PCSK5: variants seen among roughly 807,000 people sequenced by gnomAD.
The protein encoded by PCSK5 is prohormone convertase 5.
Under a neutral mutation model 233.2 loss-of-function variants are expected in PCSK5, and 129 were observed. That is an observed-to-expected ratio of 0.55 (90% CI 0.48 to 0.64). The LOEUF (loss-of-function observed/expected upper bound fraction) is 0.64, where lower values mean the gene tolerates loss of function less well. Among genes scored for constraint, PCSK5 ranks in the 30% least tolerant of loss-of-function variants. The probability of loss-of-function intolerance (pLI) is 0.00; values close to 1 mark genes in which losing one functional copy is unlikely to be tolerated. For synonymous variants in PCSK5, 825 were observed against 879.2 expected (o/e 0.94, Z 1.09); for missense variants, 2,076 against 2,430.1 (o/e 0.85, Z 3.06).
intron 20 of PCSK5, among the ~76,000 whole-genome samples, chr9:76,206,453 C>T (rs576876197): frequency 3.9e-4 from 59 of 152,330 alleles, no homozygotes; most frequent in African/African-American, 1.4e-3. Context: ...AGCCCCTTTC[C>T]CTGCACCACA....
chr9:76,088,501 A>G (rs913109486), intron 7 of PCSK5, among the ~76,000 whole-genome samples: 2 of 152,246 alleles, frequency 1.3e-5, no homozygotes, highest in African/African-American at 4.8e-5. Context: ...GAAGCAGAAC[A>G]AGAGAAACCT....
rs1832640405 is a variant in PCSK5, at chr9:76,121,813, GGTTTTTTTTTTTTTTT to G, written c.1209-12295_1209-12280del. 3.0e-5 allele frequency among the ~76,000 whole-genome samples: 2 copies of G among 67,114 alleles called. 1 individual carries two copies. Among genetic ancestry groups the G allele is most frequent in the Non-Finnish European group, 5.6e-5 (2 of 35,548 alleles). 44.0% of individuals were successfully genotyped at this position (67,114 alleles called of 152,430 possible). A position where few individuals can be genotyped will look rare whatever the true frequency, so the allele number is the denominator to read the frequency against. ...TAATACTATAAACATCTCTTGTATTGGTTTTTTTTTTTTTTTTTTTTTTTTTTTGAGACGGAGTCTC... is the reference window on the plus strand; with the variant it reads ...TAATACTATAAACATCTCTTGTATTGTTTTTTTTTTTTGAGACGGAGTCTC... On this transcript the variant is annotated intron_variant, in intron 9 of 37. Coordinates refer to ENST00000674117, the MANE Select transcript of PCSK5 (RefSeq NM_001372043.1).
At chr9:75,924,652 T>C (rs1823400147) in intron 1 of PCSK5, among the ~76,000 whole-genome samples, 1 of 152,176 alleles carries the variant, frequency 6.6e-6, no homozygotes, top group Non-Finnish European at 1.5e-5. Context: ...CTCTTGGAGA[T>C]ACTTGGCAAT....
intron 1 of PCSK5, among the ~76,000 whole-genome samples, chr9:75,908,985 ATC>A: frequency 1.5e-5 from 2 of 137,198 alleles, no homozygotes; most frequent in East Asian, 4.4e-4. Flanking sequence ...CTATCTATCT[ATC>A]TATCCGATTT....
At chr9:76,012,919 G>T (rs569015204) in intron 3 of PCSK5, among the ~76,000 whole-genome samples, 1 of 151,992 alleles carries the variant, frequency 6.6e-6, no homozygotes, top group East Asian at 1.9e-4. Flanking sequence ...ATGTATTTTG[G>T]GTAATAACTT....
chr9:75,903,152 T>C (rs1407923365), intron 1 of PCSK5, among the ~76,000 whole-genome samples: 2 of 152,212 alleles, frequency 1.3e-5, no homozygotes, highest in African/African-American at 2.4e-5. Context: ...AAAGCTGTGT[T>C]CTGAACATGC....
intron 1 of PCSK5, 147 bp downstream of exon 1, chr9:75,891,520 C>G: frequency 3.7e-6 from 2 of 535,644 alleles, no homozygotes; most frequent in Non-Finnish European, 6.1e-6. Context: ...CTCCTGCGCG[C>G]GCGCGCGTAC....
intron 24 of PCSK5, among the ~76,000 whole-genome samples, chr9:76,263,670 C>T (rs559141442): frequency 7.2e-5 from 11 of 151,766 alleles, no homozygotes; most frequent in Non-Finnish European, 1.6e-4. Context: ...GGACATATAC[C>T]TAATGCTAAA....
At chr9:76,240,076 G>A (rs529127590) in intron 23 of PCSK5, among the ~76,000 whole-genome samples, 14 of 152,162 alleles carry the variant, frequency 9.2e-5, no homozygotes, top group African/African-American at 2.9e-4. Context: ...TTATAGTTTC[G>A]GCTCTCTTCT....
At chr9:76,302,306 G>A (rs1783510131) in intron 28 of PCSK5, 89 bp downstream of exon 28, 1 of 551,590 alleles carries the variant, frequency 1.8e-6, no homozygotes, top group Non-Finnish European at 2.9e-6. Context: ...AAGAAGCTGG[G>A]AGGCCAGAAG....
intron 12 of PCSK5, among the ~76,000 whole-genome samples, chr9:76,168,025 C>G (rs1232204770): frequency 6.6e-6 from 1 of 152,024 alleles, no homozygotes; most frequent in Non-Finnish European, 1.5e-5. Context: ...TTTTAAAGTT[C>G]TATACAAAAA....
intron 13 of PCSK5, among the ~76,000 whole-genome samples, chr9:76,173,178 A>G (rs1823401086): frequency 6.6e-6 from 1 of 152,186 alleles, no homozygotes; most frequent in African/African-American, 2.4e-5. Flanking sequence ...AGTGAATGAA[A>G]TAAAACTTAC....
chr9:75,976,900 A>G (rs1487983551), intron 2 of PCSK5, among the ~76,000 whole-genome samples: 2 of 152,068 alleles, frequency 1.3e-5, no homozygotes, highest in African/African-American at 2.4e-5. Context: ...AGTCATTTCT[A>G]TGCTCTTTGT....
intron 24 of PCSK5, among the ~76,000 whole-genome samples, chr9:76,267,803 T>A (rs1827381922): frequency 6.6e-6 from 1 of 152,200 alleles, no homozygotes; most frequent in Non-Finnish European, 1.5e-5. Flanking sequence ...TACTGTGGCA[T>A]CAAAACAATA....
chr9:75,890,199 A>T (rs1255469980), upstream of PCSK5, among the ~76,000 whole-genome samples: 1 of 152,232 alleles, frequency 6.6e-6, no homozygotes, highest in Non-Finnish European at 1.5e-5. Context: ...GGGAGCAGAA[A>T]GTGTAAAATA....
intron 2 of PCSK5, among the ~76,000 whole-genome samples, chr9:75,949,672 C>T (rs551214041): frequency 1.3e-4 from 20 of 152,094 alleles, no homozygotes; most frequent in East Asian, 3.9e-4. Context: ...GGACTATAGG[C>T]GCGCACCACC....
At chr9:76,170,711 G>A (rs1169915006) in intron 13 of PCSK5, among the ~76,000 whole-genome samples, 2 of 152,196 alleles carry the variant, frequency 1.3e-5, no homozygotes, top group Non-Finnish European at 2.9e-5. Context: ...TCCAGTTCTA[G>A]CCCTCTCCAG....
chr9:75,982,292 T>C (rs991465025), intron 2 of PCSK5, among the ~76,000 whole-genome samples: 7 of 152,216 alleles, frequency 4.6e-5, no homozygotes, highest in African/African-American at 1.7e-4. Flanking sequence ...TTTTAGTAAA[T>C]AACCTCGCAC....
intron 33 of PCSK5, 54 bp downstream of exon 33, chr9:76,328,293 C>G (rs1829429713): frequency 3.1e-6 from 4 of 1,274,864 alleles, no homozygotes. Context: ...GGGAAACTGC[C>G]TTGCACACTG....
Sources: gnomAD v4.1 joint callset for allele counts (sites outside exome capture counted in the v4.1 genomes callset) on GRCh38, gnomAD v4.1.1 for gene constraint, MANE v1.5 for transcripts, NCBI Gene and HGNC (gene_info 2026-07-23, HGNC 2026-07-21) for gene names.